Variants in CNIH3 observed in about 807,000 individuals in gnomAD.
CNIH3 encodes protein cornichon homolog 3.
Under a neutral mutation model 24.1 loss-of-function variants are expected in CNIH3, and 14 were observed. The observed-to-expected ratio is 0.58, with a 90% CI of 0.38 to 0.91. CNIH3 has a LOEUF of 0.91. CNIH3 is among the 40% of genes least tolerant of loss of function. The probability of loss-of-function intolerance (pLI) is 0.00; values close to 1 mark genes in which losing one functional copy is unlikely to be tolerated. For missense variants in CNIH3, 178 were observed against 196.8 expected, an observed-to-expected ratio of 0.90 and a Z score of 0.57; for synonymous variants, 68 against 73.8, an observed-to-expected ratio of 0.92 and a Z score of 0.40.
intron 1 of CNIH3, among the ~76,000 whole-genome samples, chr1:224,516,300 G>T (rs545024102): frequency 8.3e-6 from 1 of 120,180 alleles, no homozygotes; most frequent in African/African-American, 3.2e-5. Context: ...GCGACAAACC[G>T]AGACTCTGTC....
exon 1 of CNIH3, chr1:224,434,745 C>CCGCTCCGCT: frequency 3.0e-6 from 3 of 986,992 alleles, no homozygotes; most frequent in Non-Finnish European, 3.6e-6. Flanking sequence ...GTCCTCGGAT[C>CCGCTCCGCT]CGCTCCGCTC....
intron 3 of CNIH3, among the ~76,000 whole-genome samples, chr1:224,727,188 T>C (rs1572823746): frequency 6.6e-6 from 1 of 152,180 alleles, no homozygotes. Flanking sequence ...GGATAAACAG[T>C]GAAGAGCACA....
intron 1 of CNIH3, among the ~76,000 whole-genome samples, chr1:224,619,799 G>A (rs535518835): frequency 3.9e-5 from 6 of 152,328 alleles, no homozygotes; most frequent in South Asian, 2.1e-4. Flanking sequence ...TGAATTGGGC[G>A]CTTAACAACA....
chr1:224,561,928 G>T (rs770640192), intron 3 of CNIH3, among the ~76,000 whole-genome samples: 6 of 152,152 alleles, frequency 3.9e-5, no homozygotes, highest in Non-Finnish European at 7.4e-5. Flanking sequence ...ATGGAGAATG[G>T]ATTGAAGGAC....
chr1:224,645,960 T>C (rs576732933), intron 1 of CNIH3, among the ~76,000 whole-genome samples: 16 of 152,344 alleles, frequency 1.1e-4, no homozygotes, highest in African/African-American at 3.1e-4. Context: ...GTATGCAGGC[T>C]ATTTTGGGCA....
At chr1:224,540,583 C>T (rs1284704596), downstream of CNIH3, among the ~76,000 whole-genome samples, 1 of 152,144 alleles carries the variant, frequency 6.6e-6, no homozygotes, top group Non-Finnish European at 1.5e-5. Context: ...AGATACCCAG[C>T]TTTGAAGATA....
intron 1 of CNIH3, among the ~76,000 whole-genome samples, chr1:224,672,313 T>A (rs1685907836): frequency 6.6e-6 from 1 of 152,202 alleles, no homozygotes; most frequent in African/African-American, 2.4e-5. Flanking sequence ...CATTTTCAGG[T>A]AGCACCAAAA....
chr1:224,502,874 G>T (rs915449816), intron 1 of CNIH3, among the ~76,000 whole-genome samples: 1 of 152,198 alleles, frequency 6.6e-6, no homozygotes, highest in African/African-American at 2.4e-5. Context: ...AGACATAAAA[G>T]GTGGAGGGAA....
At chr1:224,635,645 AG>A (rs981805569) in intron 1 of CNIH3, among the ~76,000 whole-genome samples, 1 of 152,178 alleles carries the variant, frequency 6.6e-6, no homozygotes, top group African/African-American at 2.4e-5. Context: ...AGCATGCAAA[AG>A]TTTGGTTGTT....
rs139523563 is a variant in CNIH3 at position 224,703,490 on chromosome 1, G to C, written c.198+18647G>C. 9.0e-3 allele frequency among the ~76,000 whole-genome samples: 1,373 copies of C among 152,276 alleles called. 8 individuals are homozygous for C. The highest frequency in any genetic ancestry group is 0.031 in the Middle Eastern group (9 of 294). On this transcript the variant is annotated intron_variant, in intron 3 of 5. Transcript: ENST00000272133. This position sits in a 1 kb window ranked among gnomAD's most constrained non-coding sequence, Gnocchi z 4.2. ...ACAAAGCTCCCCAAGTGACTCCACT[G>C]TGCAGCTAAGTTGGAAAAATCAGTG...
At chr1:224,505,821 A>T (rs993900198) in intron 1 of CNIH3, among the ~76,000 whole-genome samples, 1 of 152,250 alleles carries the variant, frequency 6.6e-6, no homozygotes, top group Non-Finnish European at 1.5e-5. Context: ...TTGGCGTTCA[A>T]TAAAATTGGT....
upstream of CNIH3, among the ~76,000 whole-genome samples, chr1:224,614,095 G>T (rs1234078493): frequency 6.6e-6 from 1 of 152,056 alleles, no homozygotes; most frequent in Non-Finnish European, 1.5e-5. Flanking sequence ...GTCCAGGCTG[G>T]TCTCAAATAC....
At chr1:224,657,001 G>T (rs936530206) in intron 1 of CNIH3, among the ~76,000 whole-genome samples, 2 of 152,142 alleles carry the variant, frequency 1.3e-5, no homozygotes, top group African/African-American at 4.8e-5. Context: ...GAGTCCCCTT[G>T]GCTACAAGTG....
intron 3 of CNIH3, among the ~76,000 whole-genome samples, chr1:224,693,921 C>A (rs924292853): frequency 2.6e-5 from 4 of 152,198 alleles, no homozygotes; most frequent in Non-Finnish European, 5.9e-5. Context: ...GTAGTTCTTG[C>A]GAGGGTCTAG....
At chr1:224,481,299 C>T (rs576681096) in intron 1 of CNIH3, among the ~76,000 whole-genome samples, 1 of 152,212 alleles carries the variant, frequency 6.6e-6, no homozygotes, top group East Asian at 1.9e-4. Context: ...GGAACACAGC[C>T]AAACCATATC....
rs1179831054 is a variant in CNIH3, at chr1:224,660,029, TCTCC to T, written c.82-20927_82-20924del. ...AGGAGACCAATCTTTTTCACATCTC[TCTCC>T]CCTACCACTGGTTCCTTTCTACCTT... is the stretch of plus-strand genomic sequence containing the variant. On this transcript the variant is annotated intron_variant, in intron 1 of 5. Coordinates refer to ENST00000272133, the MANE Select transcript of CNIH3 (RefSeq NM_152495.2). Among the ~76,000 whole-genome samples, 7 of 152,306 alleles carry T rather than the reference TCTCC, an allele frequency of 4.6e-5. No individual in the cohort carries two copies. The East Asian group carries it at 1.3e-3, about 29-fold the overall frequency.
At chr1:224,569,143 C>G (rs1009909496) in intron 4 of CNIH3, among the ~76,000 whole-genome samples, 2 of 152,230 alleles carry the variant, frequency 1.3e-5, no homozygotes, top group Non-Finnish European at 2.9e-5. Context: ...GGTGGGATTA[C>G]AGGCGTGAGC....
At chr1:224,666,805 A>G (rs150804946) in intron 1 of CNIH3, among the ~76,000 whole-genome samples, 1 of 152,362 alleles carries the variant, frequency 6.6e-6, no homozygotes, top group African/African-American at 2.4e-5. Context: ...CTTCTAGACT[A>G]GGAAAGGAAT....
At chr1:224,579,502 A>G (rs1681182075) in intron 4 of CNIH3, among the ~76,000 whole-genome samples, 1 of 152,220 alleles carries the variant, frequency 6.6e-6, no homozygotes, top group Non-Finnish European at 1.5e-5. Flanking sequence ...AGGCTCCTCC[A>G]GTGTTCCATC....
Sources: allele counts gnomAD v4.1 joint callset (sites outside exome capture counted in the v4.1 genomes callset), GRCh38; gene constraint gnomAD v4.1.1; non-coding constraint Gnocchi (gnomAD v3.1); transcripts MANE v1.5; gene names NCBI Gene and HGNC (gene_info 2026-07-23, HGNC 2026-07-21).